Variants in CDCA7L observed in about 807,000 individuals in gnomAD.
CDCA7L encodes the protein cell division cycle associated 7 like, also known as cell division cycle-associated 7-like protein.
Under a neutral mutation model 57.4 loss-of-function variants are expected in CDCA7L, and 44 were observed. That is an observed-to-expected ratio of 0.77 (90% CI 0.60 to 0.98). The LOEUF (loss-of-function observed/expected upper bound fraction) is 0.98, where lower values mean the gene tolerates loss of function less well. Ranked by LOEUF, CDCA7L falls within the 50% of genes least tolerant of loss-of-function variation. CDCA7L has a pLI of 0.00. For synonymous variants in CDCA7L, 236 were observed against 202.8 expected (o/e 1.16, Z -1.39); for missense variants, 644 against 580.6 (o/e 1.11, Z -1.12).
chr7:21,924,344 A>G (rs1436774170), intron 1 of CDCA7L, among the ~76,000 whole-genome samples: 1 of 152,162 alleles, frequency 6.6e-6, no homozygotes, highest in Non-Finnish European at 1.5e-5. Context: ...GACAAAAGAT[A>G]TTTATGCACA....
At chr7:21,919,977 G>A (rs1472868004) in intron 1 of CDCA7L, among the ~76,000 whole-genome samples, 1 of 152,138 alleles carries the variant, frequency 6.6e-6, no homozygotes, top group Non-Finnish European at 1.5e-5. Context: ...TTAAAAAGAT[G>A]TCCTTAACAG....
intron 3 of CDCA7L, among the ~76,000 whole-genome samples, chr7:21,909,682 T>C (rs570690125): frequency 6.6e-6 from 1 of 152,298 alleles, no homozygotes; most frequent in East Asian, 1.9e-4. Flanking sequence ...AGGAACCCAA[T>C]TTCAGGGGAC....
chr7:21,929,631 C>CAAAAAAAAAAAAAAAA (rs57283961), intron 1 of CDCA7L, among the ~76,000 whole-genome samples: 28 of 35,504 alleles, frequency 7.9e-4, no homozygotes, highest in African/African-American at 2.6e-3. Context: ...AAATGGAAAG[C>CAAAAAAAAAAAAAAAA]AAAAAAAAAA....
At chr7:21,943,214 C>T (rs1024893981) in intron 1 of CDCA7L, among the ~76,000 whole-genome samples, 53 of 152,208 alleles carry the variant, frequency 3.5e-4, no homozygotes, top group African/African-American at 1.3e-3. Context: ...AAGACTACAG[C>T]CTGGGGGAAG....
chr7:21,945,810 C>T lies in CDCA7L; in HGVS notation c.-6G>A. On this transcript the variant is annotated 5_prime_UTR_variant, in exon 1 of 10. Coordinates refer to ENST00000406877, the MANE Select transcript of CDCA7L (RefSeq NM_018719.5). ...TAGCGAGTCGCCAACTCCATTCTTC[C>T]TAACCGGGCTCCAGTCTCCTCCCAG... is the stretch of plus-strand genomic sequence containing the variant. 22 of 1,598,970 alleles carry T rather than the reference C, an allele frequency of 1.4e-5. No homozygotes were observed. Among genetic ancestry groups the T allele is most frequent in the Non-Finnish European group, 1.9e-5 (22 of 1,174,138 alleles).
At position 21,908,269 on chromosome 7, in the gene CDCA7L, T is replaced by G; in HGVS notation, c.542A>C (p.Glu181Ala). ...CACCTGTCTACAGTCTTTCTTTCTT[T>G]CAAGAATTGTTTTTTTCTCATTCTG... ...RLQNEKKTIL[E>A]RKKDCRQVIQ... The change falls in exon 4 of 10, where the codon GAA becomes GCA. Residue 181 changes from glutamate (E) to alanine (A), a missense_variant. Glu to Ala is a moderately radical substitution (Grantham distance 107, BLOSUM62 -1). Transcript: ENST00000406877. The G allele has an allele frequency of 6.2e-7, 1 of 1,613,610 alleles. No individual in the cohort carries two copies. Among genetic ancestry groups the G allele is most frequent in the Non-Finnish European group, 8.5e-7 (1 of 1,179,894 alleles).
chr7:21,901,249 G>C lies in CDCA7L; in HGVS notation c.*1073C>G. ...GGCTGGAGTGGCTCTGCTTCTAGAA[G>C]CGTAAGGTAACACTGGCATTCCTCT... On this transcript the variant is annotated 3_prime_UTR_variant, in exon 10 of 10. Transcript: ENST00000406877. 1 of 1,603,044 alleles carries C rather than the reference G, an allele frequency of 6.2e-7. No individual in the cohort carries two copies. The highest frequency in any genetic ancestry group is 8.5e-7 in the Non-Finnish European group (1 of 1,174,618).
chr7:21,916,680 T>G, intron 2 of CDCA7L, 74 bp downstream of exon 2: 5 of 1,388,130 alleles, frequency 3.6e-6, no homozygotes, highest in Non-Finnish European at 5.1e-6. Flanking sequence ...CACACCATGT[T>G]CAAATAAAAG....
rs986300686 is a variant in CDCA7L at position 21,904,265 on chromosome 7, G to T, written c.1048-6C>A. On this transcript the variant is annotated splice_region_variant and splice_polypyrimidine_tract_variant and intron_variant, in intron 7 of 9. Transcript: ENST00000406877. ...CACTGATGGCACGTGTTACCCTACAGGGGGAAGGCAGTGAGCAGGTGAACA... is the reference window on the plus strand; with the variant it reads ...CACTGATGGCACGTGTTACCCTACATGGGGAAGGCAGTGAGCAGGTGAACA... 2 of 1,594,228 alleles carry T rather than the reference G, an allele frequency of 1.3e-6. No individual in the cohort carries two copies. Among genetic ancestry groups the T allele is most frequent in the Admixed American group, 1.8e-5 (1 of 57,128 alleles).
Position 21,906,476 on chromosome 7 carries a change from CAG to C in CDCA7L, c.754-22_754-21del, listed in dbSNP as rs1785144834. ...CTTCCTCTGAAATCAAGAGCACAGA[CAG>C]AGACAACTGGGGACTCTCTCGAATA... On this transcript the variant is annotated intron_variant, in intron 5 of 9. Transcript: ENST00000406877. 2 of 1,610,064 alleles carry C rather than the reference CAG, an allele frequency of 1.2e-6. No individual in the cohort carries two copies. The highest frequency in any genetic ancestry group is 1.1e-5 in the South Asian group (1 of 90,942).
chr7:21,903,157 G>C, intron 8 of CDCA7L, 43 bp from the exon 9 acceptor site: 1 of 1,589,362 alleles, frequency 6.3e-7, no homozygotes. Flanking sequence ...ATTATCTACA[G>C]GGTCTGGCAA....
At chr7:21,922,406 G>A (rs1013934611) in intron 1 of CDCA7L, among the ~76,000 whole-genome samples, 3 of 152,172 alleles carry the variant, frequency 2.0e-5, no homozygotes, top group African/African-American at 7.2e-5. Flanking sequence ...GGGAAGGCAG[G>A]CCACTCCTCC....
At chr7:21,902,652 T>C in intron 9 of CDCA7L, 3 of 507,666 alleles carry the variant, frequency 5.9e-6, no homozygotes, top group Non-Finnish European at 1.1e-5. Flanking sequence ...ACTAGGATTA[T>C]GGCTGCCTCT....
chr7:21,900,975 A>ACACAATTGCAACCGCTGTGTTTTTGC lies in CDCA7L; in HGVS notation c.*1321_*1346dup, dbSNP rs758620357. ...TCATTATCATTAGTAGCAAGCTGCC[A>ACACAATTGCAACCGCTGTGTTTTTGC]CACAATTGCAACCGCTGTGTTTTTG... On this transcript the variant is annotated 3_prime_UTR_variant, in exon 10 of 10. Transcript: ENST00000406877. 5.8e-6 allele frequency: 9 copies of ACACAATTGCAACCGCTGTGTTTTTGC among 1,538,904 alleles called. No homozygotes were observed. The highest frequency in any genetic ancestry group is 2.1e-5 in the Admixed American group (1 of 48,248).
intron 9 of CDCA7L, chr7:21,902,692 C>G (rs1355563350): frequency 4.2e-6 from 2 of 470,690 alleles, no homozygotes; most frequent in African/African-American, 4.1e-5. Flanking sequence ...CCTCAGCCTG[C>G]CTTGTTTGTT....
At position 21,903,025 on chromosome 7, in the gene CDCA7L, ATGAATGAGGATTCCTG is replaced by A; in HGVS notation, c.1271_1286del (p.Thr424IlefsTer23). On this transcript the variant is annotated frameshift_variant, in exon 9 of 10. Coordinates refer to ENST00000406877, the MANE Select transcript of CDCA7L (RefSeq NM_018719.5). LOFTEE classifies it high-confidence loss of function. ...TGTCATAACCATAAAACTTGGCCAG[ATGAATGAGGATTCCTG>A]TGGCACAGCGGCCGTCACGCTTCCG... is the stretch of plus-strand genomic sequence containing the variant. 2 of 1,613,888 alleles carry A rather than the reference ATGAATGAGGATTCCTG, an allele frequency of 1.2e-6. No individual in the cohort carries two copies. The highest frequency in any genetic ancestry group is 1.7e-6 in the Non-Finnish European group (2 of 1,179,736).
intron 3 of CDCA7L, among the ~76,000 whole-genome samples, chr7:21,909,267 T>C (rs1785238561): frequency 6.6e-6 from 1 of 152,112 alleles, no homozygotes; most frequent in South Asian, 2.1e-4. Context: ...AGGTGACAGC[T>C]TGGATGTGAC....
chr7:21,927,868 A>G lies in CDCA7L; in HGVS notation c.25-10974T>C, dbSNP rs75717150. Among the ~76,000 whole-genome samples the G allele has an allele frequency of 2.1e-3, 321 of 152,354 alleles. 1 individual carries two copies. The highest frequency in any genetic ancestry group is 3.9e-3 in the Non-Finnish European group (266 of 68,030). ...CTCCCTGGGACAGAGCACCTGGGAA[A>G]GGCGTGGCTGTGGGCCCAGCTTAAG... On this transcript the variant is annotated intron_variant, in intron 1 of 9. Transcript: ENST00000406877.
chr7:21,931,591 A>C (rs1362047766), intron 1 of CDCA7L, among the ~76,000 whole-genome samples: 1 of 152,258 alleles, frequency 6.6e-6, no homozygotes, highest in Non-Finnish European at 1.5e-5. Context: ...TTCCTGCTAA[A>C]AACTCTCAGT....
Sources: gnomAD v4.1 joint callset for allele counts (sites outside exome capture counted in the v4.1 genomes callset) on GRCh38, gnomAD v4.1.1 for gene constraint, MANE v1.5 for transcripts, NCBI Gene and HGNC (gene_info 2026-07-23, HGNC 2026-07-21) for gene names.